Variants in KIR2DL4 observed in about 807,000 individuals in gnomAD.
KIR2DL4 encodes the protein killer cell immunoglobulin-like receptor 2DL4.
Under a neutral mutation model 31.0 loss-of-function variants are expected in KIR2DL4, and 41 were observed. The ratio of observed to expected loss-of-function variants is 1.32; its 90% confidence interval spans 1.03 to 1.72. The LOEUF (loss-of-function observed/expected upper bound fraction) is 1.72. Among genes scored for constraint, KIR2DL4 ranks in the 40% most tolerant of loss-of-function variants. The pLI is 0.00. For synonymous variants in KIR2DL4, 164 were observed against 133.6 expected, an observed-to-expected ratio of 1.23 and a Z score of -1.57; for missense variants, 438 against 353.7, an observed-to-expected ratio of 1.24 and a Z score of -1.91.
At chr19:54,806,907 T>C (rs1161040167) in intron 4 of KIR2DL4, among the ~76,000 whole-genome samples, 1 of 150,592 alleles carries the variant, frequency 6.6e-6, no homozygotes, top group Admixed American at 6.6e-5. Flanking sequence ...CCCAGCAACT[T>C]GGGAGGCTGA....
chr19:54,814,424 A>G (rs1226406597), exon 8 of KIR2DL4: 1 of 383,560 alleles, frequency 2.6e-6, no homozygotes, highest in African/African-American at 2.1e-5. Flanking sequence ...CTTTCCTCAG[A>G]CTATTTTTCA....
chr19:54,813,374 A>C, intron 6 of KIR2DL4: 1 of 1,293,964 alleles, frequency 7.7e-7, no homozygotes, highest in South Asian at 1.4e-5. Context: ...AGAGCACCAG[A>C]CACCCTGCCC....
At chr19:54,813,140 T>A in exon 6 of KIR2DL4, 1 of 1,502,914 alleles carries the variant, frequency 6.7e-7, no homozygotes, top group Non-Finnish European at 9.1e-7. Flanking sequence ...GCCAGACACC[T>A]GCATGCTGTG....
intron 6 of KIR2DL4, chr19:54,813,359 TAG>T (rs2060992440): frequency 3.5e-6 from 5 of 1,438,254 alleles, no homozygotes; most frequent in Non-Finnish European, 4.7e-6. Flanking sequence ...CAGAGCTTTC[TAG>T]AGAGAGCACC....
At chr19:54,813,869 G>A (rs1189938214) in exon 8 of KIR2DL4, 2 of 1,612,298 alleles carry the variant, frequency 1.2e-6, no homozygotes, top group African/African-American at 2.7e-5. Flanking sequence ...CCCTCAGGAG[G>A]TGACATACGC....
chr19:54,804,855 G>C, exon 3 of KIR2DL4: 1 of 1,612,354 alleles, frequency 6.2e-7, no homozygotes, highest in Non-Finnish European at 8.5e-7. Context: ...AGGAGGACAC[G>C]TGACTCTTCG....
chr19:54,808,054 T>G lies in KIR2DL4; in HGVS notation c.656-779T>G, dbSNP rs1474437327. 3.3e-5 allele frequency among the ~76,000 whole-genome samples: 5 copies of G among 151,178 alleles called. 1 individual carries two copies. Among genetic ancestry groups the G allele is most frequent in the African/African-American group, 9.8e-5 (4 of 40,776 alleles). On this transcript the variant is annotated intron_variant, in intron 4 of 7. Transcript: ENST00000359085. The stretch of plus-strand genomic sequence containing the variant: ...TAATTTTATAATTAAATTATTAGTT[T>G]TATTGAGGTGTTTGAGCTTCTTTTA...
exon 8 of KIR2DL4, chr19:54,814,261 C>T: frequency 3.4e-6 from 3 of 869,624 alleles, no homozygotes; most frequent in Non-Finnish European, 5.3e-6. Flanking sequence ...TTCACTTGAC[C>T]CCTGCCCACC....
intron 5 of KIR2DL4, among the ~76,000 whole-genome samples, chr19:54,812,458 C>A (rs1452064665): frequency 2.0e-5 from 3 of 151,332 alleles, no homozygotes; most frequent in Admixed American, 2.0e-4. Flanking sequence ...CCAGGCTGTT[C>A]TGAGACGTTC....
In KIR2DL4 at chr19:54,808,884, G is replaced by T. The variant is rs1601177361; in HGVS notation, c.706+1G>T. On this transcript the variant is annotated splice_donor_variant, in intron 5 of 7. Coordinates refer to ENST00000359085, the Ensembl canonical transcript of KIR2DL4. LOFTEE classifies it high-confidence loss of function. ...CCCACTGAACCAAGCTTCAAAACTGGTAAGTGAAGGACCCCTCTTATCTCT... is the reference window on the plus strand; with the variant it reads ...CCCACTGAACCAAGCTTCAAAACTGTTAAGTGAAGGACCCCTCTTATCTCT... 1 of 1,603,032 alleles carries T rather than the reference G, an allele frequency of 6.2e-7. No individual in the cohort carries two copies. Among genetic ancestry groups the T allele is most frequent in the Non-Finnish European group, 8.5e-7 (1 of 1,172,734 alleles).
chr19:54,814,015 G>A lies in KIR2DL4; in HGVS notation c.*215G>A, dbSNP rs1259007772. On this transcript the variant is annotated 3_prime_UTR_variant, in exon 8 of 8. Transcript: ENST00000359085. Reference sequence around the variant, plus strand: ...CCAGAGCGTTGTCTCCTGCCCATGAGCACCACAGTCAGGCCTTGATGGGAT... The same window carrying A: ...CCAGAGCGTTGTCTCCTGCCCATGAACACCACAGTCAGGCCTTGATGGGAT... 3.1e-6 allele frequency: 5 copies of A among 1,612,250 alleles called. No homozygotes were observed. The Admixed American group carries it at 8.3e-5, about 27-fold the overall frequency.
intron 5 of KIR2DL4, among the ~76,000 whole-genome samples, chr19:54,812,830 C>T (rs2060942296): frequency 8.2e-6 from 1 of 122,488 alleles, no homozygotes; most frequent in Admixed American, 8.4e-5. Context: ...TGGATCCACC[C>T]CCATGACCAA....
intron 5 of KIR2DL4, among the ~76,000 whole-genome samples, chr19:54,810,946 A>T (rs2060832014): frequency 6.6e-6 from 1 of 151,194 alleles, no homozygotes; most frequent in Non-Finnish European, 1.5e-5. Flanking sequence ...AGGTAGAGTA[A>T]TTTGCAGGGA....
At chr19:54,812,406 G>T (rs2060914990) in intron 5 of KIR2DL4, among the ~76,000 whole-genome samples, 1 of 151,354 alleles carries the variant, frequency 6.6e-6, no homozygotes, top group South Asian at 2.1e-4. Flanking sequence ...CTCAGCTAAA[G>T]CACTGCATGA....
chr19:54,806,509 A>G (rs1206244062), intron 4 of KIR2DL4, among the ~76,000 whole-genome samples: 1 of 151,202 alleles, frequency 6.6e-6, no homozygotes, highest in Non-Finnish European at 1.5e-5. Flanking sequence ...GACTGGGCTC[A>G]GTTTGGGGAG....
intron 5 of KIR2DL4, among the ~76,000 whole-genome samples, chr19:54,811,047 C>T (rs796943183): frequency 6.6e-6 from 1 of 151,052 alleles, no homozygotes; most frequent in Admixed American, 6.6e-5. Context: ...TAAATCAATA[C>T]TTGGCAGAGG....
At chr19:54,814,121 T>A (rs1200709613) in exon 8 of KIR2DL4, 25 of 1,608,690 alleles carry the variant, frequency 1.6e-5, no homozygotes, top group Non-Finnish European at 2.0e-5. Context: ...AAGGCGTGAG[T>A]CTCCATCTTA....
At chr19:54,813,328 G>A in intron 6 of KIR2DL4, 1 of 1,549,044 alleles carries the variant, frequency 6.5e-7, no homozygotes, top group Non-Finnish European at 8.7e-7. Flanking sequence ...AAAGTCTCTG[G>A]CCCAAGGCAG....
At position 54,813,585 on chromosome 19, in the gene KIR2DL4, G is replaced by C. The variant is rs2061008296; in HGVS notation, c.811-105G>C. ...CTGAGTCTGGCTGTTGGCAGCTGAG[G>C]GACCTCAGGCACCTATGGCCTCCCC... On this transcript the variant is annotated intron_variant, in intron 6 of 7. Transcript: ENST00000359085. The C allele has an allele frequency of 2.6e-6, 3 of 1,175,446 alleles. No individual in the cohort carries two copies. The South Asian group carries it at 3.9e-5, about 15-fold the overall frequency. The allele number at this position is 1,175,446 out of a possible 1,614,324, so 72.8% of individuals were successfully genotyped here.
Sources: gnomAD v4.1 joint callset for allele counts (sites outside exome capture counted in the v4.1 genomes callset) on GRCh38, gnomAD v4.1.1 for gene constraint, MANE v1.5 for transcripts, NCBI Gene and HGNC (gene_info 2026-07-23, HGNC 2026-07-21) for gene names.